Variants in FMO2 observed in about 807,000 individuals in gnomAD.
The protein encoded by FMO2 is flavin-containing monooxygenase 2.
FMO2 carries 33 observed loss-of-function variants against 41.6 expected under a neutral mutation model. The observed-to-expected ratio is 0.79, with a 90% CI of 0.60 to 1.06. FMO2 has a LOEUF of 1.06. Ranked by LOEUF, FMO2 falls within the 50% of genes least tolerant of loss-of-function variation. The pLI is 0.00. For missense variants in FMO2, 619 were observed against 632.9 expected (o/e 0.98, Z 0.23); for synonymous variants, 214 against 219.6 (o/e 0.97, Z 0.23).
At chr1:171,195,675 AAGCATGCCATTCCTCT>A (rs1314968582) in intron 3 of FMO2, among the ~76,000 whole-genome samples, 7 of 152,332 alleles carry the variant, frequency 4.6e-5, no homozygotes, top group Non-Finnish European at 1.0e-4. Flanking sequence ...TGCAAATGAG[AAGCATGCCATTCCTCT>A]AGCATTATAA....
chr1:171,199,275 G>C, intron 4 of FMO2, 71 bp from the exon 5 acceptor site: 1 of 1,374,118 alleles, frequency 7.3e-7, no homozygotes, highest in Non-Finnish European at 9.8e-7. Flanking sequence ...AGCTGGCAAT[G>C]CAGTTTTATT....
intron 2 of FMO2, among the ~76,000 whole-genome samples, chr1:171,188,030 ATT>A (rs67830022): frequency 3.0e-4 from 29 of 97,682 alleles, no homozygotes; most frequent in African/African-American, 8.8e-4. Flanking sequence ...TTCAGCTGGA[ATT>A]TTTTTTTTTT....
chr1:171,198,640 A>G (rs773718902), intron 4 of FMO2, among the ~76,000 whole-genome samples: 20 of 152,016 alleles, frequency 1.3e-4, no homozygotes, highest in Non-Finnish European at 2.2e-4. Context: ...CAAATTCCTG[A>G]CCTCAGTTGA....
In FMO2 at chr1:171,197,256, T is replaced by C. The variant is rs555465350; in HGVS notation, c.484+445T>C. Among the ~76,000 whole-genome samples, 127 of 152,320 alleles carry C rather than the reference T, an allele frequency of 8.3e-4. 1 individual carries two copies. The highest frequency in any genetic ancestry group is 3.0e-3 in the African/African-American group (123 of 41,558). ...AGGAATAGAACCCTGCATCCAGCTG[T>C]TCTGGTCCACCCAAGTCTTTCCTCA... On this transcript the variant is annotated intron_variant, in intron 4 of 8. Transcript: ENST00000209929.
chr1:171,198,621 G>C (rs1658395435), intron 4 of FMO2, among the ~76,000 whole-genome samples: 1 of 152,012 alleles, frequency 6.6e-6, no homozygotes, highest in Admixed American at 6.6e-5. Context: ...ATGTTGGCCA[G>C]GCTGGTTTCA....
chr1:171,186,085 AT>A (rs1267046317), intron 2 of FMO2: 6 of 354,748 alleles, frequency 1.7e-5, no homozygotes, highest in Non-Finnish European at 3.1e-5. Context: ...GGATTCAGCA[AT>A]TGTCTTACAG....
chr1:171,190,943 C>G (rs779534016), intron 2 of FMO2, among the ~76,000 whole-genome samples: 4 of 151,970 alleles, frequency 2.6e-5, no homozygotes, highest in Non-Finnish European at 5.9e-5. Context: ...GTCGGGAGTT[C>G]GAGACCAGCC....
Position 171,208,944 on chromosome 1 carries a change from C to T in FMO2, c.1407C>T (p.Asn469=), listed in dbSNP as rs1226368258. ...LAVRLYFGPC[N]SYQYRLVGPG... ...TGAGACTCTATTTCGGACCCTGCAA[C>T]TCCTATCAGTATCGCCTGGTTGGGC... Residue 469 remains asparagine, a synonymous_variant, in exon 9 of 9, where the codon AAC becomes AAT. Transcript: ENST00000209929. The T allele has an allele frequency of 3.1e-6, 5 of 1,613,676 alleles. No homozygotes were observed. Among genetic ancestry groups the T allele is most frequent in the Non-Finnish European group, 4.2e-6 (5 of 1,179,818 alleles).
At chr1:171,187,018 A>G (rs1196053397) in intron 2 of FMO2, among the ~76,000 whole-genome samples, 1 of 152,238 alleles carries the variant, frequency 6.6e-6, no homozygotes. Context: ...TTAGCTACTA[A>G]TAATAACTAT....
intron 8 of FMO2, 59 bp downstream of exon 8, chr1:171,207,849 A>T (rs1658829193): frequency 8.9e-7 from 1 of 1,126,994 alleles, no homozygotes; most frequent in East Asian, 2.4e-5. Flanking sequence ...CAGTGATCTA[A>T]CTACTTACAA....
At chr1:171,193,592 C>T in intron 3 of FMO2, 69 bp downstream of exon 3, 2 of 1,043,680 alleles carry the variant, frequency 1.9e-6, no homozygotes, top group Non-Finnish European at 2.8e-6. Context: ...AAAAGTTACT[C>T]TGATAATGAA....
chr1:171,189,654 C>CTTTTTTTTTTTTTTTTTTTT (rs199536748), intron 2 of FMO2, among the ~76,000 whole-genome samples: 3 of 122,768 alleles, frequency 2.4e-5, no homozygotes, highest in African/African-American at 3.3e-5. Flanking sequence ...CGTCTTTTTT[C>CTTTTTTTTTTTTTTTTTTTT]TTTTCTTTTT....
At chr1:171,200,067 A>G (rs1307191894) in intron 5 of FMO2, among the ~76,000 whole-genome samples, 1 of 152,202 alleles carries the variant, frequency 6.6e-6, no homozygotes, top group Non-Finnish European at 1.5e-5. Flanking sequence ...ATCTGTTCAT[A>G]TTCTGGAGGG....
chr1:171,197,719 G>T (rs773520843), intron 4 of FMO2, among the ~76,000 whole-genome samples: 1 of 152,180 alleles, frequency 6.6e-6, no homozygotes, highest in Non-Finnish European at 1.5e-5. Context: ...GCCATTTGTG[G>T]ATAAATAGGT....
intron 4 of FMO2, 126 bp downstream of exon 4, chr1:171,196,937 A>C: frequency 1.3e-6 from 1 of 744,012 alleles, no homozygotes; most frequent in Non-Finnish European, 2.2e-6. Context: ...ATTGAGACAG[A>C]GCTAGAAAGA....
At chr1:171,193,204 A>G in intron 2 of FMO2, 131 bp from the exon 3 acceptor site, 1 of 628,190 alleles carries the variant, frequency 1.6e-6, no homozygotes. Flanking sequence ...TGCATTCATT[A>G]CCTAAACATT....
At position 171,208,857 on chromosome 1, in the gene FMO2, C is replaced by G. The variant is rs1658867262; in HGVS notation, c.1320C>G (p.Ala440=). 1 of 1,613,874 alleles carries G rather than the reference C, an allele frequency of 6.2e-7. No homozygotes were observed. Among genetic ancestry groups the G allele is most frequent in the African/African-American group, 1.3e-5 (1 of 74,908 alleles). ...ATGTTGACTACTTGGACGAGCTCGC[C>G]TTAGAGATAGGTGCGAAGCCAGATT... ...TNYVDYLDEL[A]LEIGAKPDFC... The change falls in exon 9 of 9, where the codon GCC becomes GCG. Residue 440 remains alanine (A), a synonymous_variant. Coordinates refer to ENST00000209929, the MANE Select transcript of FMO2 (RefSeq NM_001460.5).
rs1205445731 is a variant in FMO2, at chr1:171,210,057, T to C, written c.*912T>C. 2 of 152,226 alleles carry C rather than the reference T, an allele frequency of 1.3e-5. No homozygotes were observed. The highest frequency in any genetic ancestry group is 2.9e-5 in the Non-Finnish European group (2 of 68,038). The allele number at this position is 152,226 out of a possible 1,614,324, so 9.4% of individuals were successfully genotyped here. ...TTTATTTACAAAACACTTCATTATT[T>C]ATAAAGAATTTACTAACAGTTTATC... On this transcript the variant is annotated 3_prime_UTR_variant, in exon 9 of 9. Transcript: ENST00000209929.
chr1:171,186,879 T>C (rs914842428), intron 2 of FMO2, among the ~76,000 whole-genome samples: 2 of 152,340 alleles, frequency 1.3e-5, no homozygotes. Context: ...TGTGTTTCAA[T>C]TTACTCAGTT....
Sources: allele counts gnomAD v4.1 joint callset (sites outside exome capture counted in the v4.1 genomes callset), GRCh38; gene constraint gnomAD v4.1.1; transcripts MANE v1.5; gene names NCBI Gene and HGNC (gene_info 2026-07-23, HGNC 2026-07-21).